TGFA: variants seen among roughly 807,000 people sequenced by gnomAD.
TGFA encodes transforming growth factor alpha, also known as protransforming growth factor alpha.
TGFA carries 12 observed loss-of-function variants against 21.7 expected under a neutral mutation model. The observed-to-expected ratio is 0.55, with a 90% CI of 0.35 to 0.90. The LOEUF (loss-of-function observed/expected upper bound fraction) is 0.90. TGFA is among the 40% of genes least tolerant of loss of function. The probability of loss-of-function intolerance (pLI) is 0.01; values close to 1 mark genes in which losing one functional copy is unlikely to be tolerated. For missense variants in TGFA, 178 were observed against 210.8 expected, an observed-to-expected ratio of 0.84 and a Z score of 0.96; for synonymous variants, 79 against 88.1, an observed-to-expected ratio of 0.90 and a Z score of 0.58.
At chr2:70,534,305 G>T (rs1366565123) in intron 1 of TGFA, among the ~76,000 whole-genome samples, 2 of 152,220 alleles carry the variant, frequency 1.3e-5, no homozygotes, top group African/African-American at 4.8e-5. Flanking sequence ...TCTATCTTTA[G>T]TTGGACTGTG....
intron 2 of TGFA, among the ~76,000 whole-genome samples, chr2:70,467,166 C>T (rs1459551346): frequency 2.0e-5 from 3 of 152,064 alleles, no homozygotes; most frequent in South Asian, 2.1e-4. Context: ...AACGAACCTG[C>T]ACATCCTGCA....
intron 1 of TGFA, chr2:70,553,061 T>C: frequency 9.5e-7 from 1 of 1,054,640 alleles, no homozygotes; most frequent in Non-Finnish European, 1.4e-6. Flanking sequence ...AAGGACATAC[T>C]CAAAGGAAAC....
chr2:70,537,948 G>C (rs1388016057), intron 1 of TGFA, among the ~76,000 whole-genome samples: 4 of 152,212 alleles, frequency 2.6e-5, no homozygotes, highest in Non-Finnish European at 4.4e-5. Context: ...TCAATGCCTG[G>C]CTTAAAAGCT....
chr2:70,538,950 C>G (rs365632), intron 1 of TGFA, among the ~76,000 whole-genome samples: 15,605 of 152,204 alleles, frequency 0.1, 1,104 homozygotes, highest in Middle Eastern at 0.2. Flanking sequence ...TCATCGTTGT[C>G]TTATTTTAAG....
chr2:70,475,853 C>T (rs79169587), intron 2 of TGFA, among the ~76,000 whole-genome samples: 25 of 151,980 alleles, frequency 1.6e-4, no homozygotes, highest in Non-Finnish European at 3.4e-4. Context: ...ACTACCTCCC[C>T]CAAAAGGCAC....
At position 70,456,583 on chromosome 2, in the gene TGFA, G is replaced by T. The variant is rs1192662565; in HGVS notation, c.216-95C>A. 5 of 1,439,036 alleles carry T rather than the reference G, an allele frequency of 3.5e-6. No homozygotes were observed. The East Asian group carries it at 1.3e-4, about 36-fold the overall frequency. 89.1% of individuals were successfully genotyped at this position (1,439,036 alleles called of 1,614,324 possible). The stretch of plus-strand genomic sequence containing the variant: ...GCTTTCCTGGAGGGACCCAGAGCCT[G>T]CAGGTAAAGCCCAAAGGGGCCCTGC... On this transcript the variant is annotated intron_variant, in intron 3 of 5. Transcript: ENST00000295400.
intron 1 of TGFA, among the ~76,000 whole-genome samples, chr2:70,523,305 A>G (rs1252566207): frequency 1.3e-5 from 2 of 152,192 alleles, no homozygotes; most frequent in African/African-American, 4.8e-5. Flanking sequence ...CAGAGGAGTG[A>G]ACGCTCATTG....
intron 1 of TGFA, among the ~76,000 whole-genome samples, chr2:70,518,993 G>T (rs1029473252): frequency 1.3e-5 from 2 of 152,198 alleles, no homozygotes; most frequent in Non-Finnish European, 2.9e-5. Flanking sequence ...GTTTTCAGGG[G>T]GATGTGGGAG....
chr2:70,451,769 A>C (rs1410332767), intron 5 of TGFA: 1 of 702,048 alleles, frequency 1.4e-6, no homozygotes, highest in South Asian at 1.5e-5. Context: ...AGCTGAAAGG[A>C]GATGTTGAGA....
At chr2:70,466,926 G>A (rs114035558) in intron 2 of TGFA, among the ~76,000 whole-genome samples, 1,937 of 152,196 alleles carry the variant, frequency 0.013, 43 homozygotes, top group African/African-American at 0.044. Flanking sequence ...GCAAACTAAC[G>A]CAGGAAGAGA....
chr2:70,536,939 T>C (rs1231552092), intron 1 of TGFA, among the ~76,000 whole-genome samples: 2 of 152,152 alleles, frequency 1.3e-5, no homozygotes, highest in Non-Finnish European at 2.9e-5. Context: ...AACTTTGCTT[T>C]ATTGTGCCTC....
intron 1 of TGFA, 93 bp downstream of exon 1, chr2:70,553,635 G>A (rs1673585751): frequency 7.6e-7 from 1 of 1,308,312 alleles, no homozygotes; most frequent in Non-Finnish European, 9.7e-7. Context: ...TCTCCCAGGC[G>A]GGCGCAGAAA....
chr2:70,460,805 C>T, intron 3 of TGFA, among the ~76,000 whole-genome samples: 1 of 152,174 alleles, frequency 6.6e-6, no homozygotes, highest in East Asian at 1.9e-4. Context: ...CACTTGAGCT[C>T]ATATGCTGTG....
chr2:70,539,613 C>T (rs1341876429), intron 1 of TGFA, among the ~76,000 whole-genome samples: 1 of 152,198 alleles, frequency 6.6e-6, no homozygotes, highest in East Asian at 1.9e-4. Context: ...TGCCATTATG[C>T]CCAGCTAATT....
chr2:70,546,513 G>T (rs1265813999), intron 1 of TGFA, among the ~76,000 whole-genome samples: 2 of 151,982 alleles, frequency 1.3e-5, no homozygotes, highest in African/African-American at 4.8e-5. Context: ...TTTGAGACAG[G>T]GCCAGGCTGG....
chr2:70,452,892 G>A (rs1670101890), intron 5 of TGFA, among the ~76,000 whole-genome samples: 1 of 152,146 alleles, frequency 6.6e-6, no homozygotes, highest in African/African-American at 2.4e-5. Context: ...GCAGTGAGCC[G>A]AGATCACGCC....
At chr2:70,498,009 T>C (rs1353119125) in intron 2 of TGFA, among the ~76,000 whole-genome samples, 2 of 152,212 alleles carry the variant, frequency 1.3e-5, no homozygotes, top group Non-Finnish European at 2.9e-5. Context: ...AAAGCCAATG[T>C]GGTATTTTTA....
chr2:70,520,272 C>T (rs1028885906), intron 1 of TGFA, among the ~76,000 whole-genome samples: 8 of 152,156 alleles, frequency 5.3e-5, no homozygotes, highest in Non-Finnish European at 1.2e-4. Flanking sequence ...ACTGATGTTC[C>T]ATGGACTGAT....
At chr2:70,519,986 T>C (rs542708929) in intron 1 of TGFA, among the ~76,000 whole-genome samples, 9 of 152,340 alleles carry the variant, frequency 5.9e-5, no homozygotes, top group African/African-American at 2.2e-4. Flanking sequence ...TAAGGCTTGG[T>C]GTGCTCATCC....
Sources: gnomAD v4.1 joint callset for allele counts (sites outside exome capture counted in the v4.1 genomes callset) on GRCh38, gnomAD v4.1.1 for gene constraint, MANE v1.5 for transcripts, NCBI Gene and HGNC (gene_info 2026-07-23, HGNC 2026-07-21) for gene names.